AQP7: variants seen among roughly 807,000 people sequenced by gnomAD.
AQP7 encodes the protein aquaporin-7.
AQP7 carries 22 observed loss-of-function variants against 26.1 expected under a neutral mutation model. The observed-to-expected ratio is 0.84, with a 90% confidence interval of 0.60 to 1.20. The LOEUF is 1.20. Among genes scored for constraint, AQP7 ranks in the 50% most tolerant of loss-of-function variants. The pLI, the probability that AQP7 is intolerant of heterozygous loss-of-function variation, is 0.00. For missense variants in AQP7, 412 were observed against 457.5 expected (o/e 0.90, Z 0.91); for synonymous variants, 167 against 181.7 (o/e 0.92, Z 0.65).
chr9:33,386,999 T>C lies in AQP7; in HGVS notation c.238A>G (p.Met80Val). 1 of 1,611,992 alleles carries C rather than the reference T, an allele frequency of 6.2e-7. No individual in the cohort carries two copies. The highest frequency in any genetic ancestry group is 8.5e-7 in the Non-Finnish European group (1 of 1,179,824). Residue 80 changes from methionine to valine, a missense_variant, in exon 4 of 8, where the codon ATG becomes GTG. Met to Val is a conservative substitution (Grantham distance 21). Transcript: ENST00000297988. Reference sequence around the variant, plus strand: ...ATGCGGCCTGCCACGTGCACTCCCATGGTGACTCCGAAGCCAAAACCCAAG... The same window carrying C: ...ATGCGGCCTGCCACGTGCACTCCCACGGTGACTCCGAAGCCAAAACCCAAG... Reference protein sequence around the residue: ...VNLGFGFGVTMGVHVAGRISG... With the variant: ...VNLGFGFGVTVGVHVAGRISG...
rs999053956 is a variant in AQP7, at chr9:33,385,638, A to C, written c.743+11T>G. On this transcript the variant is annotated intron_variant, in intron 7 of 7. Coordinates refer to ENST00000297988, the MANE Select transcript of AQP7 (RefSeq NM_001170.3). ...AAAACTCAAAGGAATGGGCCTGGGC[A>C]GGGGCAGTACCTGAAGACCTGTTTG... 1.2e-6 allele frequency: 2 copies of C among 1,612,936 alleles called. No individual in the cohort carries two copies. The highest frequency in any genetic ancestry group is 1.7e-6 in the Non-Finnish European group (2 of 1,179,920).
intron 3 of AQP7, among the ~76,000 whole-genome samples, chr9:33,391,127 A>T (rs1825352800): frequency 6.6e-6 from 1 of 152,190 alleles, no homozygotes; most frequent in African/African-American, 2.4e-5. Context: ...AATAAAATAA[A>T]ATACTGGGTG....
At chr9:33,386,003 C>T (rs78435052) in intron 6 of AQP7, 74 bp downstream of exon 6, 84 of 1,595,328 alleles carry the variant, frequency 5.3e-5, no homozygotes, top group East Asian at 2.2e-4. Flanking sequence ...CCTGTCTATC[C>T]GGAGGGACTC....
At chr9:33,388,052 A>G (rs200144271) in intron 3 of AQP7, among the ~76,000 whole-genome samples, 3 of 151,700 alleles carry the variant, frequency 2.0e-5, no homozygotes, top group Non-Finnish European at 2.9e-5. Flanking sequence ...GGCTCCAGCA[A>G]CCTCCTGATT....
intron 3 of AQP7, among the ~76,000 whole-genome samples, chr9:33,392,475 C>T (rs1391806404): frequency 6.6e-6 from 1 of 151,928 alleles, no homozygotes; most frequent in Non-Finnish European, 1.5e-5. Context: ...AGATGCTGCA[C>T]GTAAGGGGCT....
Position 33,395,042 on chromosome 9 carries a change from G to A in AQP7, c.144+36C>T, listed in dbSNP as rs2381000. 7.6e-6 allele frequency: 12 copies of A among 1,578,296 alleles called. No homozygotes were observed. In the East Asian group the frequency reaches 9.0e-5, roughly 12 times the overall value. ...GGAGGGGGTCATGGACGGCCCTGGC[G>A]GAGCCCCACCCACTTCGTGCTGCCC... On this transcript the variant is annotated intron_variant, in intron 3 of 7. Coordinates refer to ENST00000297988, the MANE Select transcript of AQP7 (RefSeq NM_001170.3).
chr9:33,387,535 AAC>A (rs368909443), intron 3 of AQP7, among the ~76,000 whole-genome samples: 37 of 150,058 alleles, frequency 2.5e-4, no homozygotes, highest in South Asian at 1.7e-3. Flanking sequence ...TCCCTGCACA[AAC>A]ACACACACAC....
At chr9:33,393,754 A>G (rs1825612337) in intron 3 of AQP7, 2 of 152,108 alleles carry the variant, frequency 1.3e-5, no homozygotes, top group Admixed American at 1.3e-4. Flanking sequence ...GTTACCAGCA[A>G]CCTCCACGTT....
chr9:33,391,256 C>A (rs775220780), intron 3 of AQP7, among the ~76,000 whole-genome samples: 7 of 152,184 alleles, frequency 4.6e-5, no homozygotes, highest in Non-Finnish European at 8.8e-5. Context: ...CAGAAGTTTC[C>A]TTCTCTCTTG....
At position 33,384,940 on chromosome 9, in the gene AQP7, G is replaced by T; in HGVS notation, c.*65C>A. 1 of 1,525,172 alleles carries T rather than the reference G, an allele frequency of 6.6e-7. No individual in the cohort carries two copies. The highest frequency in any genetic ancestry group is 8.9e-7 in the Non-Finnish European group (1 of 1,127,234). 94.5% of individuals were successfully genotyped at this position (1,525,172 alleles called of 1,614,324 possible). On this transcript the variant is annotated 3_prime_UTR_variant, in exon 8 of 8. Coordinates refer to ENST00000297988, the MANE Select transcript of AQP7 (RefSeq NM_001170.3). ...AACCACAGGAGGCCCCCAGGAAGTG[G>T]GGGTACTGCTGTCGGACAAGCCTTG... is the stretch of plus-strand genomic sequence containing the variant.
At chr9:33,390,972 G>A (rs1475834691) in intron 3 of AQP7, among the ~76,000 whole-genome samples, 7 of 152,164 alleles carry the variant, frequency 4.6e-5, no homozygotes, top group African/African-American at 7.2e-5. Flanking sequence ...TTAGCCAGGC[G>A]TGGTGGCACA....
intron 3 of AQP7, among the ~76,000 whole-genome samples, chr9:33,387,639 C>T (rs548558975): frequency 1.9e-4 from 29 of 152,212 alleles, no homozygotes; most frequent in Admixed American, 5.2e-4. Flanking sequence ...GCGGCATTCC[C>T]AAGCTGCTGC....
At chr9:33,398,564 G>A (rs1232150514) in intron 2 of AQP7, among the ~76,000 whole-genome samples, 1 of 152,186 alleles carries the variant, frequency 6.6e-6, no homozygotes, top group Non-Finnish European at 1.5e-5. Flanking sequence ...AGAGGGAAGA[G>A]AGCGGGGCAG....
intron 2 of AQP7, 110 bp downstream of exon 2, chr9:33,401,127 G>T (rs1052661211): frequency 2.4e-6 from 3 of 1,276,120 alleles, no homozygotes; most frequent in African/African-American, 1.5e-5. Flanking sequence ...AGGAGGTCGA[G>T]TGGGGACAGC....
intron 2 of AQP7, among the ~76,000 whole-genome samples, chr9:33,399,630 T>C (rs1826102562): frequency 6.6e-6 from 1 of 151,800 alleles, no homozygotes; most frequent in South Asian, 2.1e-4. Flanking sequence ...TTGTTGAGCA[T>C]CTACTTATGA....
At chr9:33,394,410 C>T (rs1272563936) in intron 3 of AQP7, 1 of 152,290 alleles carries the variant, frequency 6.6e-6, no homozygotes, top group Non-Finnish European at 1.5e-5. Context: ...TGCTTGCCAG[C>T]CTTCAACATC....
rs73478955 is a variant in AQP7, at chr9:33,384,654, G to T, written c.*351C>A. ...AGTCCAATCTCAGGATCCCCTCAAA[G>T]TATTTCCAAAGCCGGCCCCCAACCA... is the stretch of plus-strand genomic sequence containing the variant. On this transcript the variant is annotated 3_prime_UTR_variant, in exon 8 of 8. Coordinates refer to ENST00000297988, the MANE Select transcript of AQP7 (RefSeq NM_001170.3). 4.9e-6 allele frequency: 1 copy of T among 203,606 alleles called. No homozygotes were observed. 12.6% of individuals were successfully genotyped at this position (203,606 alleles called of 1,614,324 possible). A position where few individuals can be genotyped will look rare whatever the true frequency, so the allele number is the denominator to read the frequency against.
At chr9:33,386,015 C>G (rs1218512990) in intron 6 of AQP7, 62 bp downstream of exon 6, 2 of 1,603,280 alleles carry the variant, frequency 1.2e-6, no homozygotes, top group Admixed American at 1.7e-5. Context: ...GAGGGACTCC[C>G]TGCTGGCTCC....
chr9:33,386,256 A>G (rs1485928223), intron 5 of AQP7, 61 bp from the exon 6 acceptor site: 1 of 1,610,334 alleles, frequency 6.2e-7, no homozygotes, highest in Non-Finnish European at 8.5e-7. Flanking sequence ...GGGGTCCCAG[A>G]AATGAGGTTA....
Sources: allele counts gnomAD v4.1 joint callset (sites outside exome capture counted in the v4.1 genomes callset), GRCh38; gene constraint gnomAD v4.1.1; transcripts MANE v1.5; gene names NCBI Gene and HGNC (gene_info 2026-07-23, HGNC 2026-07-21).